ANKRD1: variants seen among roughly 807,000 people sequenced by gnomAD.
The protein encoded by ANKRD1 is ankyrin repeat domain 1.
ANKRD1 carries 32 observed loss-of-function variants against 40.1 expected under a neutral mutation model. The ratio of observed to expected loss-of-function variants is 0.80; its 90% CI spans 0.60 to 1.07. The LOEUF is 1.07. ANKRD1 is among the 50% of genes least tolerant of loss of function. ANKRD1 has a pLI of 0.00. For synonymous variants in ANKRD1, 149 were observed against 141.2 expected (o/e 1.06, Z -0.39); for missense variants, 359 against 386.0 (o/e 0.93, Z 0.59).
At chr10:90,913,973 G>A (rs1847343269) in intron 8 of ANKRD1, among the ~76,000 whole-genome samples, 1 of 152,168 alleles carries the variant, frequency 6.6e-6, no homozygotes, top group Non-Finnish European at 1.5e-5. Flanking sequence ...GCCACACATT[G>A]AAGTCACTTA....
intron 2 of ANKRD1, 99 bp from the exon 3 acceptor site, chr10:90,919,367 G>T: frequency 1.9e-6 from 2 of 1,055,070 alleles, no homozygotes; most frequent in Non-Finnish European, 2.8e-6. Context: ...ATAAACATGT[G>T]AACAGTTTGA....
In ANKRD1 at chr10:90,916,212, A is replaced by G. The variant is rs1358378883; in HGVS notation, c.610T>C (p.Leu204=). The change falls in exon 6 of 9, where the codon TTG becomes CTG. Residue 204 remains leucine, a synonymous_variant. Transcript: ENST00000371697. ...ATTTTTGCTCCTTTATTCAGCAACA[A>G]TTTTAAAACATCCAGGTTTCCTCCA... is the stretch of plus-strand genomic sequence containing the variant. ...SRGGNLDVLK[L]LLNKGAKISA... is the part of the protein sequence containing the mutation. The G allele has an allele frequency of 5.0e-6, 8 of 1,614,040 alleles. No homozygotes were observed. Among genetic ancestry groups the G allele is most frequent in the Non-Finnish European group, 6.8e-6 (8 of 1,179,992 alleles).
At chr10:90,915,470 G>T (rs562596354) in intron 8 of ANKRD1, 73 bp downstream of exon 8, 11 of 1,349,314 alleles carry the variant, frequency 8.2e-6, no homozygotes, top group African/African-American at 1.4e-5. Context: ...TGTGGGAGTC[G>T]TTTCACCTAT....
chr10:90,918,830 G>T, intron 4 of ANKRD1, 35 bp downstream of exon 4: 2 of 1,482,346 alleles, frequency 1.3e-6, no homozygotes, highest in South Asian at 2.3e-5. Context: ...TAAAATTAAT[G>T]AGCTGGATTT....
Position 90,915,655 on chromosome 10 carries a change from G to C in ANKRD1, c.751-14C>G. On this transcript the variant is annotated splice_polypyrimidine_tract_variant and intron_variant, in intron 7 of 8. Transcript: ENST00000371697. The stretch of plus-strand genomic sequence containing the variant: ...GGTATCTCCTTCCTAGAGAAGCAGA[G>C]TCAACAGGTTCAAGGTGGGTCTGAG... 1 of 1,612,268 alleles carries C rather than the reference G, an allele frequency of 6.2e-7. No individual in the cohort carries two copies. Among genetic ancestry groups the C allele is most frequent in the South Asian group, 1.1e-5 (1 of 91,062 alleles).
chr10:90,916,253 A>G lies in ANKRD1; in HGVS notation c.569T>C (p.Ile190Thr). The G allele has an allele frequency of 6.2e-7, 1 of 1,613,844 alleles. No homozygotes were observed. The highest frequency in any genetic ancestry group is 1.1e-5 in the South Asian group (1 of 91,070). The change falls in exon 6 of 9, where the codon ATC (isoleucine) becomes ACC (threonine). Residue 190 changes from isoleucine (I) to threonine (T), a missense_variant. Physicochemically the swap from Ile to Thr is moderately conservative, Grantham distance 89. Coordinates refer to ENST00000371697, the MANE Select transcript of ANKRD1 (RefSeq NM_014391.3). Reference protein sequence around the residue: ...EFRDMLESTAIHWASRGGNLD... With the variant: ...EFRDMLESTATHWASRGGNLD... ...GTTTCCTCCACGGCTTGCCCAGTGG[A>G]TGGCTGTGGATTCAAGCTATACCGG...
In ANKRD1 at chr10:90,915,890, T is replaced by A. The variant is rs397517252; in HGVS notation, c.652-10A>T. On this transcript the variant is annotated splice_polypyrimidine_tract_variant and intron_variant, in intron 6 of 8. Coordinates refer to ENST00000371697, the MANE Select transcript of ANKRD1 (RefSeq NM_014391.3). ...GCGCTGTGCTGAGCAACTGGAAAAT[T>A]GGAAAACGCTGCTGATTCGCTAGGA... 193 of 1,603,794 alleles carry A rather than the reference T, an allele frequency of 1.2e-4. No individual in the cohort carries two copies. The highest frequency in any genetic ancestry group is 6.5e-4 in the African/African-American group (46 of 70,998).
rs762768021 is a variant in ANKRD1, at chr10:90,915,581, G to T, written c.811C>A (p.Leu271Met). 1 of 1,614,042 alleles carries T rather than the reference G, an allele frequency of 6.2e-7. No individual in the cohort carries two copies. Among genetic ancestry groups the T allele is most frequent in the South Asian group, 1.1e-5 (1 of 91,068 alleles). ...RLNRYKMIRLLIMYGADLNIK... is the reference protein window; with the variant it reads ...RLNRYKMIRLMIMYGADLNIK... ...TTGAGATCCGCGCCATACATAATCA[G>T]GAGTCGGATCATCTTATAGCGGTTC... The change falls in exon 8 of 9, where the codon CTG (leucine) becomes ATG (methionine). Residue 271 changes from leucine (L) to methionine (M), a missense_variant. Transcript: ENST00000371697.
rs1424369734 is a variant in ANKRD1, at chr10:90,917,810, A to G, written c.474T>C (p.His158=). 14 of 1,613,802 alleles carry G rather than the reference A, an allele frequency of 8.7e-6. No homozygotes were observed. Among genetic ancestry groups the G allele is most frequent in the African/African-American group, 2.7e-5 (2 of 74,942 alleles). ...VCDEYKRTAL[H]RACLEGHLAI... is the part of the protein sequence containing the mutation. ...CCAAATGTCCTTCCAAGCATGCTCT[A>G]TGAAGAGCTGTCCGTTTATACTATC... The change falls in exon 5 of 9, where the codon CAT becomes CAC. Residue 158 remains histidine (H), a synonymous_variant. Transcript: ENST00000371697.
Position 90,918,991 on chromosome 10 carries a change from A to AATAAAT in ANKRD1, c.346-20_346-19insATTTAT, listed in dbSNP as rs1554827903. ...GTTCCGTCTAAAGCCAAAATAAATAAATATATATATATATATATATATATA... is the reference window on the plus strand; with the variant it reads ...GTTCCGTCTAAAGCCAAAATAAATAAATAAATATATATATATATATATATATATATA... On this transcript the variant is annotated intron_variant, in intron 3 of 8. Coordinates refer to ENST00000371697, the MANE Select transcript of ANKRD1 (RefSeq NM_014391.3). 9.6e-5 allele frequency: 26 copies of AATAAAT among 269,572 alleles called. No individual in the cohort carries two copies. In the African/African-American group the frequency reaches 1.5e-3, roughly 15 times the overall value. 16.7% of individuals were successfully genotyped at this position (269,572 alleles called of 1,614,324 possible). A position where few individuals can be genotyped will look rare whatever the true frequency, so the allele number is the denominator to read the frequency against.
rs2120268982 is a variant in ANKRD1, at chr10:90,917,782, T to C, written c.502A>G (p.Ile168Val). ...CCAGCTTCCATTAACTTCTCCACAATTGCCAAATGTCCTTCCAAGCATGCT... is the reference window on the plus strand; with the variant it reads ...CCAGCTTCCATTAACTTCTCCACAACTGCCAAATGTCCTTCCAAGCATGCT... Reference protein sequence around the residue: ...HRACLEGHLAIVEKLMEAGAQ... With the variant: ...HRACLEGHLAVVEKLMEAGAQ... The change falls in exon 5 of 9, where the codon ATT becomes GTT. Residue 168 changes from isoleucine (I) to valine (V), a missense_variant. By Grantham distance (29) the Ile-to-Val change is conservative. Transcript: ENST00000371697. 2.5e-6 allele frequency: 4 copies of C among 1,614,084 alleles called. No homozygotes were observed. The highest frequency in any genetic ancestry group is 2.2e-5 in the South Asian group (2 of 91,074).
intron 8 of ANKRD1, among the ~76,000 whole-genome samples, chr10:90,914,653 C>T (rs1178553649): frequency 6.6e-6 from 1 of 151,678 alleles, no homozygotes; most frequent in Non-Finnish European, 1.5e-5. Flanking sequence ...TAAGATATTC[C>T]TCTCAGTCTT....
chr10:90,919,260 CT>C lies in ANKRD1; in HGVS notation c.215del (p.Lys72ArgfsTer4). On this transcript the variant is annotated frameshift_variant, in exon 3 of 9. Transcript: ENST00000371697. LOFTEE classifies it high-confidence loss of function. ...GCTTTGATCTTTGTTCTAGTTTTTTCTTTTTGAGCTAAAAAAGAAATTCGTA... is the reference window on the plus strand; with the variant it reads ...GCTTTGATCTTTGTTCTAGTTTTTTCTTTTGAGCTAAAAAAGAAATTCGTA... ...SEKQREAELK[K>X]KKLEQRSKLE... is the part of the protein sequence containing the mutation. 6.2e-7 allele frequency: 1 copy of C among 1,603,370 alleles called. No individual in the cohort carries two copies.
chr10:90,918,823 A>T, intron 4 of ANKRD1, 42 bp downstream of exon 4: 1 of 1,468,378 alleles, frequency 6.8e-7, no homozygotes, highest in Non-Finnish European at 9.5e-7. Context: ...AGAAACATAA[A>T]ATTAATGAGC....
chr10:90,916,401 G>A, intron 5 of ANKRD1, 132 bp from the exon 6 acceptor site: 2 of 721,916 alleles, frequency 2.8e-6, no homozygotes, highest in South Asian at 1.5e-5. Flanking sequence ...GGAGTCGAAG[G>A]TTCTTACCAA....
chr10:90,915,645 G>C lies in ANKRD1; in HGVS notation c.751-4C>G, dbSNP rs780419708. 1 of 1,613,158 alleles carries C rather than the reference G, an allele frequency of 6.2e-7. No individual in the cohort carries two copies. Among genetic ancestry groups the C allele is most frequent in the African/African-American group, 1.3e-5 (1 of 74,888 alleles). On this transcript the variant is annotated splice_polypyrimidine_tract_variant and splice_region_variant and intron_variant, in intron 7 of 8. Coordinates refer to ENST00000371697, the MANE Select transcript of ANKRD1 (RefSeq NM_014391.3). ...CATGCAACGGGGTATCTCCTTCCTA[G>C]AGAAGCAGAGTCAACAGGTTCAAGG... is the stretch of plus-strand genomic sequence containing the variant.
chr10:90,919,053 A>G, intron 3 of ANKRD1, 78 bp downstream of exon 3: 1 of 1,593,804 alleles, frequency 6.3e-7, no homozygotes, highest in South Asian at 1.1e-5. Flanking sequence ...GCATTCAATC[A>G]AACCCTCCAC....
rs1011018293 is a variant in ANKRD1, at chr10:90,916,917, T to A, written c.553-648A>T. ...GCCTCTGTACCTCAACTGTAGTCAC[T>A]TGTGTCTACAGTTGTAACGTGTATA... On this transcript the variant is annotated intron_variant, in intron 5 of 8. Transcript: ENST00000371697. Among the ~76,000 whole-genome samples the A allele has an allele frequency of 3.3e-5, 5 of 152,090 alleles. No individual in the cohort carries two copies. In the South Asian group the frequency reaches 1.0e-3, roughly 32 times the overall value.
At chr10:90,916,856 A>T (rs998943679) in intron 5 of ANKRD1, among the ~76,000 whole-genome samples, 1 of 152,192 alleles carries the variant, frequency 6.6e-6, no homozygotes, top group African/African-American at 2.4e-5. Context: ...CTCTTTCTCT[A>T]CTTCTGTGGG....
Sources: allele counts gnomAD v4.1 joint callset (sites outside exome capture counted in the v4.1 genomes callset), GRCh38; gene constraint gnomAD v4.1.1; transcripts MANE v1.5; gene names NCBI Gene and HGNC (gene_info 2026-07-23, HGNC 2026-07-21).